The following ANKRD30A variants were observed in gnomAD, a reference collection of about 807,000 sequenced individuals.
The protein encoded by ANKRD30A is ankyrin repeat domain-containing protein 30A.
A neutral mutation model predicts 166.3 loss-of-function variants in ANKRD30A; 170 were observed. The ratio of observed to expected loss-of-function variants is 1.02; its 90% CI spans 0.90 to 1.16. The LOEUF (loss-of-function observed/expected upper bound fraction) is 1.16. Among genes scored for constraint, ANKRD30A ranks in the 50% most tolerant of loss-of-function variants. The probability of loss-of-function intolerance (pLI) is 0.00; values close to 1 mark genes in which losing one functional copy is unlikely to be tolerated. For synonymous variants in ANKRD30A, 564 were observed against 508.9 expected, an observed-to-expected ratio of 1.11 and a Z score of -1.46; for missense variants, 1,630 against 1,518.0, an observed-to-expected ratio of 1.07 and a Z score of -1.23.
At chr10:37,166,023 C>G (rs567258003) in intron 18 of ANKRD30A, among the ~76,000 whole-genome samples, 1 of 152,162 alleles carries the variant, frequency 6.6e-6, no homozygotes, top group African/African-American at 2.4e-5. Flanking sequence ...TCTATTCAAG[C>G]ACTTTTTCTC....
chr10:37,142,074 A>G lies in ANKRD30A; in HGVS notation c.1177A>G (p.Arg393Gly), dbSNP rs1266302278. 1.2e-6 allele frequency: 2 copies of G among 1,613,932 alleles called. No individual in the cohort carries two copies. Among genetic ancestry groups the G allele is most frequent in the Non-Finnish European group, 1.7e-6 (2 of 1,179,970 alleles). ...ATGGGAGAAAAAAGAAGACACACCT[A>G]GGGAAATTATGAGTCCCGCAAAAGA... ...IAWEKKEDTP[R>G]EIMSPAKETS... The change falls in exon 7 of 36, where the codon AGG (arginine) becomes GGG (glycine). Residue 393 changes from arginine to glycine, a missense_variant. By Grantham distance (125) the Arg-to-Gly change is moderately radical. Coordinates refer to ENST00000361713, the MANE Select transcript of ANKRD30A (RefSeq NM_052997.3).
At chr10:37,234,663 C>T (rs1054232940), downstream of ANKRD30A, among the ~76,000 whole-genome samples, 10 of 152,242 alleles carry the variant, frequency 6.6e-5, no homozygotes, top group East Asian at 1.7e-3. Flanking sequence ...GATAGGAAGA[C>T]TCATTTCTAC....
At chr10:37,167,566 A>G (rs188100034) in intron 19 of ANKRD30A, among the ~76,000 whole-genome samples, 1,769 of 151,926 alleles carry the variant, frequency 0.012, 18 homozygotes, top group Non-Finnish European at 0.019. Flanking sequence ...ATTAATATTT[A>G]AAAATCTGAT....
chr10:37,217,892 T>G lies in ANKRD30A; in HGVS notation c.3267+14T>G. 6.1e-6 allele frequency: 9 copies of G among 1,486,726 alleles called. No homozygotes were observed. Among genetic ancestry groups the G allele is most frequent in the Non-Finnish European group, 8.1e-6 (9 of 1,112,998 alleles). The allele number at this position is 1,486,726 out of a possible 1,614,324, so 92.1% of individuals were successfully genotyped here. Reference sequence around the variant, plus strand: ...AATTTGAATCAGGTAAATCAATCTCTGATAAAAATTTTATATTTCTAACTT... The same window carrying G: ...AATTTGAATCAGGTAAATCAATCTCGGATAAAAATTTTATATTTCTAACTT... On this transcript the variant is annotated intron_variant, in intron 33 of 35. Transcript: ENST00000361713.
intron 31 of ANKRD30A, among the ~76,000 whole-genome samples, chr10:37,202,245 GT>G (rs757532049): frequency 5.9e-5 from 9 of 151,910 alleles, no homozygotes; most frequent in Non-Finnish European, 1.3e-4. Flanking sequence ...AAGTAAAGCA[GT>G]CCTCAGCAAA....
intron 33 of ANKRD30A, among the ~76,000 whole-genome samples, chr10:37,218,142 T>A (rs1328878044): frequency 6.6e-6 from 1 of 150,996 alleles, no homozygotes; most frequent in Non-Finnish European, 1.5e-5. Flanking sequence ...AAGTAGTTTG[T>A]TCCTAGCAAC....
intron 25 of ANKRD30A, among the ~76,000 whole-genome samples, chr10:37,190,764 G>A (rs551106238): frequency 2.6e-5 from 4 of 151,622 alleles, no homozygotes; most frequent in South Asian, 4.2e-4. Context: ...TACTAGAATT[G>A]GACTAAACCT....
chr10:37,151,161 T>A (rs765888921), intron 11 of ANKRD30A, among the ~76,000 whole-genome samples: 1 of 152,074 alleles, frequency 6.6e-6, no homozygotes, highest in Non-Finnish European at 1.5e-5. Flanking sequence ...CTTTTAAGTT[T>A]TAGTTGTGCA....
chr10:37,227,348 A>G (rs180707161), intron 34 of ANKRD30A, among the ~76,000 whole-genome samples: 1 of 151,992 alleles, frequency 6.6e-6, no homozygotes, highest in East Asian at 1.9e-4. Context: ...TCTTTTGCAT[A>G]TGGATATCCA....
intron 26 of ANKRD30A, 33 bp downstream of exon 26, chr10:37,193,125 A>G (rs1331335729): frequency 1.9e-6 from 3 of 1,603,040 alleles, no homozygotes; most frequent in Non-Finnish European, 2.6e-6. Context: ...CTTGAGTATT[A>G]ACTACATATT....
chr10:37,253,645 TTTTCTTTTTTTTTTTTTTTTTGAG>T, the ANKRD30A span, among the ~76,000 whole-genome samples: 1 of 145,346 alleles, frequency 6.9e-6, no homozygotes, highest in African/African-American at 2.5e-5. Flanking sequence ...AAGGTTTTCT[TTTTCTTTTTTTTTTTTTTTTTGAG>T]ATGGAGTCTC....
Position 37,137,694 on chromosome 10 carries a change from C to G in ANKRD30A, c.820+1023C>G, listed in dbSNP as rs555130674. 3.7e-4 allele frequency among the ~76,000 whole-genome samples: 57 copies of G among 152,270 alleles called. 1 individual carries two copies. In the South Asian group the frequency reaches 0.011, roughly 30 times the overall value. On this transcript the variant is annotated intron_variant, in intron 6 of 35. Transcript: ENST00000361713. ...GTTGGGGGAGGGACGCTTACCATTGCCGAGGCTTGAGTAGGTAAACAAAGA... is the reference window on the plus strand; with the variant it reads ...GTTGGGGGAGGGACGCTTACCATTGGCGAGGCTTGAGTAGGTAAACAAAGA...
chr10:37,208,699 G>A (rs1842119508), intron 31 of ANKRD30A, among the ~76,000 whole-genome samples: 1 of 152,108 alleles, frequency 6.6e-6, no homozygotes, highest in South Asian at 2.1e-4. Flanking sequence ...TACAGAGGCT[G>A]ACTCCCCTGA....
At chr10:37,152,035 T>TA in intron 11 of ANKRD30A, 25 bp from the exon 12 acceptor site, 2 of 1,575,276 alleles carry the variant, frequency 1.3e-6, no homozygotes, top group Non-Finnish European at 8.7e-7. Context: ...TTGTCATGAA[T>TA]GTTTCTGTGA....
chr10:37,254,917 C>T, the ANKRD30A span, among the ~76,000 whole-genome samples: 4 of 152,002 alleles, frequency 2.6e-5, no homozygotes, highest in African/African-American at 9.7e-5. Flanking sequence ...CTCTTGACCT[C>T]GTGATCTGCC....
At chr10:37,240,548 A>G in the ANKRD30A span, among the ~76,000 whole-genome samples, 138 of 152,256 alleles carry the variant, frequency 9.1e-4, 2 homozygotes, top group African/African-American at 3.2e-3. Context: ...GGTTGTTGTC[A>G]AATTATTCAG....
Position 37,149,699 on chromosome 10 carries a change from C to T in ANKRD30A, c.1572+20C>T. 6.2e-7 allele frequency: 1 copy of T among 1,612,266 alleles called. No individual in the cohort carries two copies. Among genetic ancestry groups the T allele is most frequent in the Non-Finnish European group, 8.5e-7 (1 of 1,178,802 alleles). On this transcript the variant is annotated intron_variant, in intron 10 of 35. Transcript: ENST00000361713. ...TTCAAGGTATTTAGTTTTATTATTT[C>T]ATTTTGAATGACTTATTAATTATGT...
chr10:37,155,856 C>T (rs530391315), intron 13 of ANKRD30A, among the ~76,000 whole-genome samples: 16 of 152,108 alleles, frequency 1.1e-4, no homozygotes, highest in African/African-American at 3.1e-4. Flanking sequence ...GCGACGCGGG[C>T]GGATCACAAG....
In ANKRD30A at chr10:37,218,992, C is replaced by T. The variant is rs750476519; in HGVS notation, c.3280C>T (p.His1094Tyr). 1 of 1,582,854 alleles carries T rather than the reference C, an allele frequency of 6.3e-7. No individual in the cohort carries two copies. Among genetic ancestry groups the T allele is most frequent in the Non-Finnish European group, 8.6e-7 (1 of 1,167,730 alleles). ...ESNLNQVSHTHENENYLLHEN... is the reference protein window; with the variant it reads ...ESNLNQVSHTYENENYLLHEN... ...TTGTTTTATTTAGGTTTCTCACACT[C>T]ATGAAAATGAAAATTATCTCTTACA... The change falls in exon 34 of 36, where the codon CAT (histidine) becomes TAT (tyrosine). Residue 1094 changes from histidine (H) to tyrosine (Y), a missense_variant. Coordinates refer to ENST00000361713, the MANE Select transcript of ANKRD30A (RefSeq NM_052997.3).
Sources: gnomAD v4.1 joint callset for allele counts (sites outside exome capture counted in the v4.1 genomes callset) on GRCh38, gnomAD v4.1.1 for gene constraint, MANE v1.5 for transcripts, NCBI Gene and HGNC (gene_info 2026-07-23, HGNC 2026-07-21) for gene names.